Variants in SLC7A7 observed in about 807,000 individuals in gnomAD.
The protein encoded by SLC7A7 is solute carrier family 7 member 7.
In SLC7A7, 39 loss-of-function variants were observed where a neutral mutation model predicts 47.9. That is an observed-to-expected ratio of 0.81 (90% CI 0.63 to 1.06). The LOEUF is 1.06. Among genes scored for constraint, SLC7A7 ranks in the 50% least tolerant of loss-of-function variants. The pLI is 0.00. For synonymous variants in SLC7A7, 234 were observed against 242.8 expected, an observed-to-expected ratio of 0.96 and a Z score of 0.34; for missense variants, 588 against 632.0, an observed-to-expected ratio of 0.93 and a Z score of 0.75.
At chr14:22,810,447 A>G (rs1307489214) in intron 2 of SLC7A7, among the ~76,000 whole-genome samples, 25 of 138,900 alleles carry the variant, frequency 1.8e-4, no homozygotes, top group Non-Finnish European at 3.5e-4. Flanking sequence ...GGGCAACAAG[A>G]GCGAAACTCC....
Position 22,778,935 on chromosome 14 carries a change from C to T in SLC7A7, c.628G>A (p.Ala210Thr). ...VAGIVRLGQG[A>T]STHFENSFEG... is the part of the protein sequence containing the mutation. The stretch of plus-strand genomic sequence containing the variant: ...AAGGAATTCTCAAAATGAGTAGAGG[C>T]TCCTGGAACCCAAGAACATTGGAAG... Residue 210 changes from alanine to threonine, a missense_variant and splice_region_variant, in exon 4 of 10, where the codon GCC (alanine) becomes ACC (threonine). Transcript: ENST00000674313. The T allele has an allele frequency of 6.2e-7, 1 of 1,613,936 alleles. No homozygotes were observed. The highest frequency in any genetic ancestry group is 1.7e-4 in the Middle Eastern group (1 of 5,906).
chr14:22,800,287 T>C (rs2039089521), intron 2 of SLC7A7, among the ~76,000 whole-genome samples: 1 of 152,352 alleles, frequency 6.6e-6, no homozygotes, highest in South Asian at 2.1e-4. Context: ...TTAATATAGT[T>C]GGTGCAATAG....
intron 2 of SLC7A7, among the ~76,000 whole-genome samples, chr14:22,782,628 A>C (rs2038740163): frequency 6.6e-6 from 1 of 150,784 alleles, no homozygotes; most frequent in South Asian, 2.1e-4. Flanking sequence ...TGCCTGGCTA[A>C]TTTTTGTATT....
chr14:22,779,454 C>CTT (rs35328728), intron 3 of SLC7A7, among the ~76,000 whole-genome samples: 2 of 136,316 alleles, frequency 1.5e-5, no homozygotes, highest in Non-Finnish European at 1.6e-5. Context: ...ATATTTAATT[C>CTT]TTTTTTTTTT....
At chr14:22,802,964 C>T (rs1038976814) in intron 2 of SLC7A7, among the ~76,000 whole-genome samples, 3 of 152,028 alleles carry the variant, frequency 2.0e-5, no homozygotes, top group Non-Finnish European at 4.4e-5. Context: ...AAACGTCCTG[C>T]CCCCTTCTTC....
intron 2 of SLC7A7, among the ~76,000 whole-genome samples, chr14:22,791,881 C>T (rs2038929366): frequency 6.9e-6 from 1 of 145,230 alleles, no homozygotes; most frequent in Non-Finnish European, 1.5e-5. Flanking sequence ...GTCGCCCAGG[C>T]TGGAGTGCAG....
intron 2 of SLC7A7, among the ~76,000 whole-genome samples, chr14:22,782,152 G>T (rs1463626095): frequency 6.6e-6 from 1 of 151,876 alleles, no homozygotes; most frequent in Admixed American, 6.6e-5. Flanking sequence ...GCCCAGGCTG[G>T]AGTGCAATGG....
chr14:22,804,521 GAAAC>G (rs576201016), intron 2 of SLC7A7, among the ~76,000 whole-genome samples: 338 of 151,996 alleles, frequency 2.2e-3, no homozygotes, highest in African/African-American at 7.6e-3. Context: ...TTACAAGAAA[GAAAC>G]AAACAATCCC....
rs201629487 is a variant in SLC7A7 at position 22,795,392 on chromosome 14, T to TGCTTGCTTGC, written c.500-15342_500-15341insGCAAGCAAGC. On this transcript the variant is annotated intron_variant, in intron 2 of 9. Transcript: ENST00000674313. ...TCTGAGTATTGCTTGCTTGCTTTCT[T>TGCTTGCTTGC]TCTTTCTTTCTTTCTTTCTTTCTTT... 4.6e-4 allele frequency among the ~76,000 whole-genome samples: 23 copies of TGCTTGCTTGC among 49,494 alleles called. 2 individuals carry two copies. The highest frequency in any genetic ancestry group is 1.6e-3 in the African/African-American group (23 of 14,834). The allele number at this position is 49,494 out of a possible 152,430, so 32.5% of individuals were successfully genotyped here. A position where few individuals can be genotyped will look rare whatever the true frequency, so the allele number is the denominator to read the frequency against.
intron 2 of SLC7A7, among the ~76,000 whole-genome samples, chr14:22,784,549 C>T (rs1037700366): frequency 6.6e-6 from 1 of 151,680 alleles, no homozygotes; most frequent in African/African-American, 2.4e-5. Context: ...ACCCAGGAGG[C>T]GGAGGATGCA....
At position 22,773,921 on chromosome 14, in the gene SLC7A7, T is replaced by G. The variant is rs1286310764; in HGVS notation, c.1429+12A>C. 1 of 1,613,768 alleles carries G rather than the reference T, an allele frequency of 6.2e-7. No individual in the cohort carries two copies. ...TGCAATAGCTGAGCGGACTTAAGGA[T>G]GCACGGCTTACCCACGATCCTTCGG... On this transcript the variant is annotated intron_variant, in intron 9 of 9. Transcript: ENST00000674313.
intron 2 of SLC7A7, among the ~76,000 whole-genome samples, chr14:22,811,695 C>CA (rs1384786136): frequency 1.3e-5 from 2 of 151,800 alleles, no homozygotes; most frequent in Non-Finnish European, 2.9e-5. Flanking sequence ...ACCAAAAATA[C>CA]AAAAAAATTA....
In SLC7A7 at chr14:22,806,998, T is replaced by C. The variant is rs1448841951; in HGVS notation, c.499+5902A>G. On this transcript the variant is annotated intron_variant, in intron 2 of 9. Coordinates refer to ENST00000674313, the MANE Select transcript of SLC7A7 (RefSeq NM_003982.4). ...CTGCAAGCTCCGCTTCCCGGGTTCA[T>C]GCCATTCTCCTGCCTCAGCCTCCCA... Among the ~76,000 whole-genome samples, 4 of 150,078 alleles carry C rather than the reference T, an allele frequency of 2.7e-5. No homozygotes were observed. The South Asian group carries it at 6.4e-4, about 24-fold the overall frequency.
rs779393740 is a variant in SLC7A7, at chr14:22,776,268, T to C, written c.821A>G (p.Tyr274Cys). Residue 274 changes from tyrosine to cysteine, a missense_variant, in exon 5 of 10, where the codon TAT (tyrosine) becomes TGT (cysteine). Physicochemically the swap from Tyr to Cys is radical, Grantham distance 194. Coordinates refer to ENST00000674313, the MANE Select transcript of SLC7A7 (RefSeq NM_003982.4). Reference sequence around the variant, plus strand: ...ATAATAGGCCACATTGGTCAAGATATAGATGATGGTGACAATGGGCATGGA... The same window carrying C: ...ATAATAGGCCACATTGGTCAAGATACAGATGATGGTGACAATGGGCATGGA... ...GISMPIVTII[Y>C]ILTNVAYYTV... 9 of 1,614,086 alleles carry C rather than the reference T, an allele frequency of 5.6e-6. No individual in the cohort carries two copies. In the African/African-American group the frequency reaches 8.0e-5, roughly 14 times the overall value.
chr14:22,776,900 C>T lies in SLC7A7; in HGVS notation c.771-582G>A, dbSNP rs949123107. 4.0e-5 allele frequency among the ~76,000 whole-genome samples: 6 copies of T among 151,470 alleles called. No individual in the cohort carries two copies. In the East Asian group the frequency reaches 5.8e-4, roughly 15 times the overall value. ...ACGAGAATCACTTGAACTCGAGAGGCGGAGGTTGTGGTAAGCCAAAATTGT... is the reference window on the plus strand; with the variant it reads ...ACGAGAATCACTTGAACTCGAGAGGTGGAGGTTGTGGTAAGCCAAAATTGT... On this transcript the variant is annotated intron_variant, in intron 4 of 9. Coordinates refer to ENST00000674313, the MANE Select transcript of SLC7A7 (RefSeq NM_003982.4).
chr14:22,773,779 T>A, intron 9 of SLC7A7, 63 bp from the exon 10 acceptor site: 1 of 1,557,342 alleles, frequency 6.4e-7, no homozygotes, highest in Non-Finnish European at 8.8e-7. Context: ...CAAGTGTCAC[T>A]GAATGGAACT....
At chr14:22,817,762 C>T (rs1477075729), upstream of SLC7A7, among the ~76,000 whole-genome samples, 1 of 152,208 alleles carries the variant, frequency 6.6e-6, no homozygotes, top group Non-Finnish European at 1.5e-5. Context: ...CAGGCGTGAG[C>T]CACCGATGCC....
intron 2 of SLC7A7, among the ~76,000 whole-genome samples, chr14:22,793,010 G>A (rs1353657844): frequency 2.0e-4 from 31 of 151,222 alleles, no homozygotes; most frequent in African/African-American, 7.0e-4. Context: ...TCCGCCTCCC[G>A]GGTTCATGCC....
upstream of SLC7A7, chr14:22,815,760 G>A (rs911233005): frequency 2.9e-5 from 13 of 441,144 alleles, no homozygotes; most frequent in East Asian, 5.7e-4. Flanking sequence ...GGACAGTAGC[G>A]GGGAAGGAAT....
Sources: allele counts gnomAD v4.1 joint callset (sites outside exome capture counted in the v4.1 genomes callset), GRCh38; gene constraint gnomAD v4.1.1; transcripts MANE v1.5; gene names NCBI Gene and HGNC (gene_info 2026-07-23, HGNC 2026-07-21).